Variants in KCNMB2 observed in about 807,000 individuals in gnomAD.
KCNMB2 encodes the protein calcium-activated potassium channel subunit beta-2.
KCNMB2 carries 9 observed loss-of-function variants against 24.5 expected under a neutral mutation model. That is an observed-to-expected ratio of 0.37 (90% CI 0.22 to 0.64). KCNMB2 has a LOEUF of 0.64. KCNMB2 is among the 30% of genes least tolerant of loss of function. KCNMB2 has a pLI of 0.63. For missense variants in KCNMB2, 226 were observed against 284.3 expected (o/e 0.79, Z 1.47); for synonymous variants, 109 against 104.4 (o/e 1.04, Z -0.27).
At chr3:178,716,293 A>G (rs1257215282) in intron 1 of KCNMB2, among the ~76,000 whole-genome samples, 1 of 152,192 alleles carries the variant, frequency 6.6e-6, no homozygotes, top group Non-Finnish European at 1.5e-5. Flanking sequence ...TTAAACATTC[A>G]CGTTATCACA....
intron 1 of KCNMB2, among the ~76,000 whole-genome samples, chr3:178,658,121 C>A (rs1720406922): frequency 6.6e-6 from 1 of 152,100 alleles, no homozygotes; most frequent in African/African-American, 2.4e-5. Flanking sequence ...TCCCATCCAG[C>A]TTAAATGCAT....
intron 1 of KCNMB2, among the ~76,000 whole-genome samples, chr3:178,693,843 G>T (rs912557685): frequency 1.3e-5 from 2 of 151,536 alleles, no homozygotes; most frequent in Non-Finnish European, 2.9e-5. Context: ...TTGTACATCT[G>T]GTGAAATTCA....
At chr3:178,811,622 A>G (rs1021015440) in intron 2 of KCNMB2, among the ~76,000 whole-genome samples, 8 of 152,236 alleles carry the variant, frequency 5.3e-5, no homozygotes, top group African/African-American at 1.9e-4. Context: ...ACTGCTGAGC[A>G]ACATTTGCAT....
intron 1 of KCNMB2, among the ~76,000 whole-genome samples, chr3:178,660,318 T>G (rs926408683): frequency 1.3e-5 from 2 of 152,214 alleles, no homozygotes; most frequent in Admixed American, 1.3e-4. Context: ...TCATTATTTT[T>G]ATTATTACGA....
chr3:178,600,524 T>C (rs1718041344), intron 1 of KCNMB2, among the ~76,000 whole-genome samples: 1 of 152,198 alleles, frequency 6.6e-6, no homozygotes, highest in South Asian at 2.1e-4. Context: ...GGAAAATAAA[T>C]GTATCCACAT....
chr3:178,598,612 C>T (rs181924256), intron 1 of KCNMB2, among the ~76,000 whole-genome samples: 109 of 151,982 alleles, frequency 7.2e-4, no homozygotes, highest in Non-Finnish European at 9.7e-4. Flanking sequence ...CAGCATGGAA[C>T]TGGTGATGTT....
At chr3:178,744,061 C>CT (rs1459139237) in intron 1 of KCNMB2, among the ~76,000 whole-genome samples, 2 of 152,110 alleles carry the variant, frequency 1.3e-5, no homozygotes, top group Non-Finnish European at 2.9e-5. Context: ...GAAGTTAAAT[C>CT]TTTTTTTAAC....
At chr3:178,545,171 A>G (rs910517120) in intron 1 of KCNMB2, among the ~76,000 whole-genome samples, 10 of 152,174 alleles carry the variant, frequency 6.6e-5, no homozygotes, top group Non-Finnish European at 1.2e-4. Context: ...GTTTGTTTGT[A>G]GAATCCTATC....
chr3:178,619,141 A>G (rs1358539817), intron 1 of KCNMB2, among the ~76,000 whole-genome samples: 1 of 152,226 alleles, frequency 6.6e-6, no homozygotes, highest in Non-Finnish European at 1.5e-5. Flanking sequence ...TACAGAGTAG[A>G]GCATTATATG....
intron 1 of KCNMB2, among the ~76,000 whole-genome samples, chr3:178,628,307 T>C (rs761368974): frequency 2.6e-5 from 4 of 152,156 alleles, no homozygotes; most frequent in Non-Finnish European, 5.9e-5. Flanking sequence ...CAGACTCTAG[T>C]CCCATTTGAT....
At chr3:178,637,519 T>C (rs924421105) in intron 1 of KCNMB2, among the ~76,000 whole-genome samples, 7 of 152,230 alleles carry the variant, frequency 4.6e-5, no homozygotes, top group South Asian at 2.1e-4. Context: ...ATTTAGAAGA[T>C]AGTTAATTAC....
intron 1 of KCNMB2, among the ~76,000 whole-genome samples, chr3:178,612,329 A>G (rs1007169462): frequency 3.3e-5 from 5 of 152,170 alleles, no homozygotes; most frequent in Non-Finnish European, 7.3e-5. Context: ...GGAAGATCCA[A>G]TGCTGCAAGT....
chr3:178,577,605 G>A (rs1268006413), intron 1 of KCNMB2, among the ~76,000 whole-genome samples: 1 of 152,074 alleles, frequency 6.6e-6, no homozygotes, highest in Non-Finnish European at 1.5e-5. Flanking sequence ...CCCAATACAA[G>A]GAAGCTAAGA....
At chr3:178,662,354 C>G (rs1720561483) in intron 1 of KCNMB2, among the ~76,000 whole-genome samples, 1 of 152,064 alleles carries the variant, frequency 6.6e-6, no homozygotes, top group Admixed American at 6.6e-5. Flanking sequence ...TAGTCTTTTT[C>G]TAATGCCTCA....
chr3:178,825,651 G>A lies in KCNMB2; in HGVS notation c.120G>A (p.Leu40=). 6.2e-7 allele frequency: 1 copy of A among 1,613,990 alleles called. No individual in the cohort carries two copies. Among genetic ancestry groups the A allele is most frequent in the Non-Finnish European group, 8.5e-7 (1 of 1,179,864 alleles). Residue 40 remains leucine, a synonymous_variant, in exon 3 of 5, where the codon CTG becomes CTA. Coordinates refer to ENST00000452583, the MANE Select transcript of KCNMB2 (RefSeq NM_181361.3). The part of the protein sequence containing the change: ...LLDKRKTVTA[L]KAGEDRAILL... ...ACAAAAGGAAAACAGTCACAGCACT[G>A]AAGGCAGGAGAGGACCGAGCTATTC...
At chr3:178,729,118 A>C (rs1381700359) in intron 1 of KCNMB2, among the ~76,000 whole-genome samples, 1 of 152,196 alleles carries the variant, frequency 6.6e-6, no homozygotes, top group Non-Finnish European at 1.5e-5. Flanking sequence ...AAAAAAGAAA[A>C]ACAATTGCTA....
chr3:178,807,474 A>G lies in KCNMB2; in HGVS notation c.56+9A>G, dbSNP rs954176540. 12 of 1,611,822 alleles carry G rather than the reference A, an allele frequency of 7.4e-6. No individual in the cohort carries two copies. The highest frequency in any genetic ancestry group is 5.3e-5 in the African/African-American group (4 of 74,866). On this transcript the variant is annotated intron_variant, in intron 2 of 4. Coordinates refer to ENST00000452583, the MANE Select transcript of KCNMB2 (RefSeq NM_181361.3). ...AGACATGATGAAAAAAGGTAAATGC[A>G]CTGGGATTCTGGGCACTTTTCAGAA...
intron 4 of KCNMB2, chr3:178,841,764 C>T (rs1715436922): frequency 6.6e-6 from 1 of 152,158 alleles, no homozygotes. Flanking sequence ...CCACCAGGTC[C>T]CTCTCCTGAT....
chr3:178,577,424 A>G (rs1016430747), intron 1 of KCNMB2, among the ~76,000 whole-genome samples: 3 of 152,228 alleles, frequency 2.0e-5, no homozygotes, highest in African/African-American at 7.2e-5. Flanking sequence ...AACCAGCTCA[A>G]CAATTCTGAA....
Sources: gnomAD v4.1 joint callset for allele counts (sites outside exome capture counted in the v4.1 genomes callset) on GRCh38, gnomAD v4.1.1 for gene constraint, MANE v1.5 for transcripts, NCBI Gene and HGNC (gene_info 2026-07-23, HGNC 2026-07-21) for gene names.